The following TNRC6B variants were observed in gnomAD, a reference collection of about 807,000 sequenced individuals.
TNRC6B encodes trinucleotide repeat-containing gene 6B protein.
Under a neutral mutation model 203.6 loss-of-function variants are expected in TNRC6B, and 52 were observed. The observed-to-expected ratio is 0.26, with a 90% CI of 0.20 to 0.32. The LOEUF (loss-of-function observed/expected upper bound fraction) is 0.32. Among genes scored for constraint, TNRC6B ranks in the 10% least tolerant of loss-of-function variants. The pLI, the probability that TNRC6B is intolerant of heterozygous loss-of-function variation, is 1.00. For synonymous variants in TNRC6B, 838 were observed against 845.7 expected, an observed-to-expected ratio of 0.99 and a Z score of 0.16; for missense variants, 1,923 against 2,286.2, an observed-to-expected ratio of 0.84 and a Z score of 3.24.
At chr22:40,319,527 G>A (rs751891464) in intron 21 of TNRC6B, among the ~76,000 whole-genome samples, 8 of 150,018 alleles carry the variant, frequency 5.3e-5, no homozygotes, top group Admixed American at 3.3e-4. Flanking sequence ...CCGGGTTAAT[G>A]CGGTTCTCAT....
chr22:40,287,620 C>T (rs910801564), intron 12 of TNRC6B, among the ~76,000 whole-genome samples: 3 of 152,210 alleles, frequency 2.0e-5, no homozygotes, highest in East Asian at 3.8e-4. Flanking sequence ...ACTTCCCTGG[C>T]ACTCTACAAT....
At chr22:40,185,064 C>T (rs2146385725) in intron 1 of TNRC6B, among the ~76,000 whole-genome samples, 1 of 152,282 alleles carries the variant, frequency 6.6e-6, no homozygotes, top group South Asian at 2.1e-4. Flanking sequence ...AATCTTGGCT[C>T]ACTGAAACCT....
chr22:40,147,101 ATAT>A (rs2068702069), intron 3 of TNRC6B, among the ~76,000 whole-genome samples: 1 of 152,232 alleles, frequency 6.6e-6, no homozygotes, highest in South Asian at 2.1e-4. Context: ...ATACAATGGA[ATAT>A]TATTTAGCCT....
chr22:40,128,273 T>G (rs2068511389), intron 3 of TNRC6B, among the ~76,000 whole-genome samples: 1 of 152,140 alleles, frequency 6.6e-6, no homozygotes, highest in South Asian at 2.1e-4. Context: ...CAGTCCATTC[T>G]CCTCCTCCGA....
chr22:40,201,855 A>T (rs1453731498), intron 1 of TNRC6B, among the ~76,000 whole-genome samples: 1 of 152,108 alleles, frequency 6.6e-6, no homozygotes, highest in Non-Finnish European at 1.5e-5. Flanking sequence ...AGTATTTCGG[A>T]TTTCAGATTT....
intron 3 of TNRC6B, among the ~76,000 whole-genome samples, chr22:40,148,662 G>GCTCCCCCTACCCCCCAAATTCATATA (rs1555885478): frequency 6.6e-6 from 1 of 151,730 alleles, no homozygotes; most frequent in African/African-American, 2.4e-5. Context: ...GTTGAATTAT[G>GCTCCCCCTACCCCCCAAATTCATATA]TTGAAATACG....
intron 1 of TNRC6B, among the ~76,000 whole-genome samples, chr22:40,229,556 A>G (rs2069838950): frequency 7.2e-6 from 1 of 138,008 alleles, no homozygotes; most frequent in Admixed American, 7.5e-5. Context: ...GATAGTTAAT[A>G]TGTCCTTCAC....
At chr22:40,082,316 G>A (rs1208238225) in intron 1 of TNRC6B, among the ~76,000 whole-genome samples, 1 of 152,168 alleles carries the variant, frequency 6.6e-6, no homozygotes, top group African/African-American at 2.4e-5. Context: ...TCACATTTAA[G>A]TTTAGACTGG....
chr22:40,145,582 G>A (rs1205791389), intron 3 of TNRC6B, among the ~76,000 whole-genome samples: 4 of 152,150 alleles, frequency 2.6e-5, no homozygotes, highest in African/African-American at 9.7e-5. Flanking sequence ...GGTGGTTCAC[G>A]CCTGTAATCC....
chr22:40,262,793 A>G (rs1054247730), intron 4 of TNRC6B, among the ~76,000 whole-genome samples: 1 of 152,130 alleles, frequency 6.6e-6, no homozygotes, highest in African/African-American at 2.4e-5. Flanking sequence ...TAATCCCAGC[A>G]CTTTGGGAGG....
At position 40,301,323 on chromosome 22, in the gene TNRC6B, A is replaced by G. The variant is rs1397004397; in HGVS notation, c.4110A>G (p.Gly1370=). The change falls in exon 15 of 23, where the codon GGA becomes GGG. Residue 1370 remains glycine, a synonymous_variant. Coordinates refer to ENST00000454349, the MANE Select transcript of TNRC6B (RefSeq NM_001162501.2). The stretch of plus-strand genomic sequence containing the variant: ...TTCAAACCAAAGGGCCAATACCTGG[A>G]TATGGTTCTGGTAAGTTGTTGGTAG... ...PDLQTKGPIP[G]YGSGFSSGGM... 1 of 1,606,494 alleles carries G rather than the reference A, an allele frequency of 6.2e-7. No homozygotes were observed. The highest frequency in any genetic ancestry group is 8.5e-7 in the Non-Finnish European group (1 of 1,176,120).
intron 1 of TNRC6B, among the ~76,000 whole-genome samples, chr22:40,116,446 G>A (rs1363262484): frequency 3.3e-5 from 5 of 152,066 alleles, no homozygotes; most frequent in Non-Finnish European, 2.9e-5. Flanking sequence ...TTCCATCATG[G>A]AATAAATAAA....
intron 21 of TNRC6B, among the ~76,000 whole-genome samples, chr22:40,318,758 G>T (rs1024844934): frequency 1.3e-5 from 2 of 152,066 alleles, no homozygotes; most frequent in African/African-American, 2.4e-5. Flanking sequence ...CCAATCGGCT[G>T]TTCACTTGTT....
rs143830544 is a variant in TNRC6B, at chr22:40,116,539, A to G, written c.-120-516A>G. 7.0e-3 allele frequency among the ~76,000 whole-genome samples: 1,064 copies of G among 152,276 alleles called. 8 individuals are homozygous for G. Among genetic ancestry groups the G allele is most frequent in the Admixed American group, 8.3e-3 (127 of 15,294 alleles). ...GCCATTATGGGGGAATGGATTGGGG[A>G]GGAGCAAGAGTAGGAACAGAGAACC... On this transcript the variant is annotated intron_variant, in intron 1 of 23. Transcript: ENST00000301923.
At chr22:40,109,770 C>T (rs75845016) in intron 1 of TNRC6B, among the ~76,000 whole-genome samples, 1,594 of 152,264 alleles carry the variant, frequency 0.01, 20 homozygotes, top group African/African-American at 0.037. Flanking sequence ...TCTCTGAAGG[C>T]GGCACAGGTT....
At chr22:40,092,586 G>A (rs1283425562) in intron 1 of TNRC6B, among the ~76,000 whole-genome samples, 1 of 152,094 alleles carries the variant, frequency 6.6e-6, no homozygotes, top group Non-Finnish European at 1.5e-5. Context: ...ATAGTTCACT[G>A]CCGCCTCAAA....
At chr22:40,226,988 C>A (rs1043063848) in intron 1 of TNRC6B, among the ~76,000 whole-genome samples, 7 of 151,970 alleles carry the variant, frequency 4.6e-5, no homozygotes, top group African/African-American at 7.2e-5. Flanking sequence ...CAGCTCATTG[C>A]AGCCTCCACC....
chr22:40,260,415 G>A (rs1443894553), intron 3 of TNRC6B, among the ~76,000 whole-genome samples: 3 of 152,162 alleles, frequency 2.0e-5, no homozygotes, highest in Non-Finnish European at 4.4e-5. Flanking sequence ...CCCTCAGGAA[G>A]TCATGGCCTG....
At position 40,088,584 on chromosome 22, in the gene TNRC6B, T is replaced by TTGTGTGTGTGTGTGTGTG. The variant is rs58537972; in HGVS notation, c.-120-28441_-120-28424dup. 4.6e-4 allele frequency among the ~76,000 whole-genome samples: 58 copies of TTGTGTGTGTGTGTGTGTG among 125,226 alleles called. 2 individuals carry two copies. The highest frequency in any genetic ancestry group is 8.8e-4 in the African/African-American group (29 of 32,960). 82.2% of individuals were successfully genotyped at this position (125,226 alleles called of 152,430 possible). A position where few individuals can be genotyped will look rare whatever the true frequency, so the allele number is the denominator to read the frequency against. On this transcript the variant is annotated intron_variant, in intron 1 of 23. Transcript: ENST00000301923. ...CTGCCACCATGCCCGGCGGCTACTT[T>TTGTGTGTGTGTGTGTGTG]TGTGTGTGTGTGTGTGTGTGTGTGT...
Sources: allele counts gnomAD v4.1 joint callset (sites outside exome capture counted in the v4.1 genomes callset), GRCh38; gene constraint gnomAD v4.1.1; transcripts MANE v1.5; gene names NCBI Gene and HGNC (gene_info 2026-07-23, HGNC 2026-07-21).